NFIB: variants seen among roughly 807,000 people sequenced by gnomAD.
NFIB encodes nuclear factor 1 B-type.
A neutral mutation model predicts 61.5 loss-of-function variants in NFIB; 11 were observed. The ratio of observed to expected loss-of-function variants is 0.18; its 90% confidence interval spans 0.11 to 0.30. The LOEUF (loss-of-function observed/expected upper bound fraction) is 0.30. Ranked by LOEUF, NFIB falls within the 10% of genes least tolerant of loss-of-function variation. The pLI, the probability that NFIB is intolerant of heterozygous loss-of-function variation, is 1.00. For synonymous variants in NFIB, 260 were observed against 216.5 expected (o/e 1.20, Z -1.76); for missense variants, 471 against 608.9 (o/e 0.77, Z 2.38).
At chr9:14,516,422 C>T in the NFIB span, among the ~76,000 whole-genome samples, 3 of 152,006 alleles carry the variant, frequency 2.0e-5, no homozygotes, top group Non-Finnish European at 2.9e-5. Flanking sequence ...AGGCACTGAC[C>T]GATAACTTGT....
chr9:14,234,100 C>T (rs2053493471), intron 2 of NFIB, among the ~76,000 whole-genome samples: 1 of 152,074 alleles, frequency 6.6e-6, no homozygotes. Context: ...AGGATTGAAG[C>T]CTGCAGTCCT....
the NFIB span, among the ~76,000 whole-genome samples, chr9:14,514,213 T>G: frequency 6.6e-6 from 1 of 152,178 alleles, no homozygotes; most frequent in African/African-American, 2.4e-5. Flanking sequence ...TGCAAGGATC[T>G]GATATATGTT....
chr9:14,284,179 C>G (rs1043475624), intron 2 of NFIB, among the ~76,000 whole-genome samples: 1 of 151,980 alleles, frequency 6.6e-6, no homozygotes, highest in South Asian at 2.1e-4. Flanking sequence ...TACCTAGTTC[C>G]CTGGGTAACT....
chr9:14,301,176 A>C (rs1194773097), intron 2 of NFIB, among the ~76,000 whole-genome samples: 1 of 152,164 alleles, frequency 6.6e-6, no homozygotes, highest in East Asian at 1.9e-4. Flanking sequence ...ACCCAGCTTT[A>C]AGTCTCCAGG....
chr9:14,120,464 G>C lies in NFIB; in HGVS notation c.1221C>G (p.Asp407Glu). 6.2e-7 allele frequency: 1 copy of C among 1,614,052 alleles called. No individual in the cohort carries two copies. The highest frequency in any genetic ancestry group is 8.5e-7 in the Non-Finnish European group (1 of 1,179,990). ...CCTGGCTGGTTTGTGGACTGGATGG[G>C]TCATAAGAAGGTACATAGTTCTTCA... The part of the protein sequence containing the change: ...DTLKNYVPSY[D>E]PSSPQTSQPN... The change falls in exon 8 of 11, where the codon GAC becomes GAG. Residue 407 changes from aspartate (D) to glutamate (E), a missense_variant. By Grantham distance (45) the Asp-to-Glu change is conservative (BLOSUM62 2). Coordinates refer to ENST00000380953, the MANE Select transcript of NFIB (RefSeq NM_001190737.2). The surrounding 1 kb of genome is among the most constrained non-coding windows in gnomAD (Gnocchi z 4.4).
chr9:14,284,575 A>G (rs2058588250), intron 2 of NFIB, among the ~76,000 whole-genome samples: 1 of 152,224 alleles, frequency 6.6e-6, no homozygotes, highest in African/African-American at 2.4e-5. Flanking sequence ...CTGTTTAGAA[A>G]GATGCAACCA....
the NFIB span, among the ~76,000 whole-genome samples, chr9:14,425,152 G>A: frequency 6.6e-6 from 1 of 152,182 alleles, no homozygotes; most frequent in African/African-American, 2.4e-5. Flanking sequence ...TGGCGTGGCT[G>A]ACACCCACAC....
At chr9:14,456,704 G>C in the NFIB span, among the ~76,000 whole-genome samples, 1 of 152,152 alleles carries the variant, frequency 6.6e-6, no homozygotes, top group Non-Finnish European at 1.5e-5. Flanking sequence ...GAGTTTGATA[G>C]CACATTATGT....
At chr9:14,463,360 A>G in the NFIB span, among the ~76,000 whole-genome samples, 1 of 151,916 alleles carries the variant, frequency 6.6e-6, no homozygotes, top group Non-Finnish European at 1.5e-5. Context: ...GAGAGATTCA[A>G]TATGTAAAGA....
Position 14,155,846 on chromosome 9 carries a change from C to G in NFIB, c.664G>C (p.Glu222Gln). 6.3e-7 allele frequency: 1 copy of G among 1,585,356 alleles called. No individual in the cohort carries two copies. The highest frequency in any genetic ancestry group is 8.6e-7 in the Non-Finnish European group (1 of 1,164,288). ...FVKSGVFNVS[E>Q]LVRVSRTPIT... is the part of the protein sequence containing the mutation. ...TTACTTCTGGATACTCTTACAAGTT[C>G]TGATACATTGAAGACTCCAGATTTT... Residue 222 changes from glutamate to glutamine, a missense_variant, in exon 4 of 11, where the codon GAA becomes CAA. By Grantham distance (29) the Glu-to-Gln change is conservative (BLOSUM62 2). Transcript: ENST00000380953.
the NFIB span, among the ~76,000 whole-genome samples, chr9:14,500,268 C>G: frequency 1.3e-5 from 2 of 152,170 alleles, no homozygotes; most frequent in Admixed American, 1.3e-4. Context: ...AGCCTACATT[C>G]CAGACCACTG....
chr9:14,486,895 G>C, the NFIB span, among the ~76,000 whole-genome samples: 3 of 152,158 alleles, frequency 2.0e-5, no homozygotes, highest in Non-Finnish European at 4.4e-5. Flanking sequence ...TTATAAAAAT[G>C]ATAAAACTAA....
At chr9:14,231,135 A>AT (rs1554681461) in intron 2 of NFIB, among the ~76,000 whole-genome samples, 7,997 of 34,966 alleles carry the variant, frequency 0.23, 1,166 homozygotes, top group Middle Eastern at 0.36. Context: ...AAAAAAAAAA[A>AT]ATATATATAT....
In NFIB at chr9:14,307,651, C is replaced by G; in HGVS notation, c.31-131G>C. The stretch of plus-strand genomic sequence containing the variant: ...AAAGTTATACATGAAAATAACATTC[C>G]TTTCTTATTTAAAATTATCAAAATA... On this transcript the variant is annotated intron_variant, in intron 1 of 10. Transcript: ENST00000380953. This position sits in a 1 kb window ranked among gnomAD's most constrained non-coding sequence, Gnocchi z 5.3. 1 of 876,194 alleles carries G rather than the reference C, an allele frequency of 1.1e-6. No individual in the cohort carries two copies. Among genetic ancestry groups the G allele is most frequent in the Non-Finnish European group, 1.6e-6 (1 of 609,532 alleles). 54.3% of individuals were successfully genotyped at this position (876,194 alleles called of 1,614,324 possible).
At chr9:14,531,687 T>TA in the NFIB span, among the ~76,000 whole-genome samples, 81,072 of 144,334 alleles carry the variant, frequency 0.56, 22,611 homozygotes, top group African/African-American at 0.62. Flanking sequence ...CATTTTTCTT[T>TA]AAAAAAAAAA....
At chr9:14,504,633 G>C in the NFIB span, among the ~76,000 whole-genome samples, 1 of 152,112 alleles carries the variant, frequency 6.6e-6, no homozygotes, top group South Asian at 2.1e-4. Flanking sequence ...TTCTTAGCTT[G>C]CTCACTGTTG....
intron 2 of NFIB, among the ~76,000 whole-genome samples, chr9:14,225,456 C>CAAAAAAAAAAAAAAAAA (rs1228589594): frequency 2.4e-4 from 14 of 57,998 alleles, no homozygotes; most frequent in East Asian, 5.9e-4. Context: ...GACTCCGTCT[C>CAAAAAAAAAAAAAAAAA]AAAAAAAAAA....
intron 1 of NFIB, among the ~76,000 whole-genome samples, chr9:14,386,979 A>T (rs2061556700): frequency 6.6e-6 from 1 of 152,212 alleles, no homozygotes; most frequent in Non-Finnish European, 1.5e-5. Flanking sequence ...AAACTCTGAA[A>T]TTTTAAGAGG....
intron 2 of NFIB, among the ~76,000 whole-genome samples, chr9:14,284,701 GA>G (rs944331733): frequency 6.6e-6 from 1 of 152,138 alleles, no homozygotes; most frequent in African/African-American, 2.4e-5. Flanking sequence ...TATTTTATTT[GA>G]AAAATATCCC....
Sources: allele counts gnomAD v4.1 joint callset (sites outside exome capture counted in the v4.1 genomes callset), GRCh38; gene constraint gnomAD v4.1.1; non-coding constraint Gnocchi (gnomAD v3.1); transcripts MANE v1.5; gene names NCBI Gene and HGNC (gene_info 2026-07-23, HGNC 2026-07-21).